GSE1: variants seen among roughly 807,000 people sequenced by gnomAD.
GSE1 encodes the protein Gse1 coiled-coil protein, also known as genetic suppressor element 1.
A neutral mutation model predicts 112.6 loss-of-function variants in GSE1; 32 were observed. That is an observed-to-expected ratio of 0.28 (90% confidence interval 0.21 to 0.38). The LOEUF (loss-of-function observed/expected upper bound fraction) is 0.38. GSE1 is among the 10% of genes least tolerant of loss of function. The pLI, the probability that GSE1 is intolerant of heterozygous loss-of-function variation, is 1.00. For missense variants in GSE1, 2,348 were observed against 1,699.2 expected (o/e 1.38, Z -6.71); for synonymous variants, 1,115 against 735.6 (o/e 1.52, Z -8.35).
chr16:85,348,097 A>T (rs2046779564), intron 1 of GSE1, among the ~76,000 whole-genome samples: 1 of 152,122 alleles, frequency 6.6e-6, no homozygotes, highest in Admixed American at 6.6e-5. Context: ...TCGAAAAAAT[A>T]AAAAGGCGGT....
intron 2 of GSE1, among the ~76,000 whole-genome samples, chr16:85,382,806 ACT>A (rs955924255): frequency 2.7e-5 from 4 of 150,266 alleles, no homozygotes; most frequent in African/African-American, 5.0e-5. Flanking sequence ...ATGCACACAC[ACT>A]CATACACACA....
At chr16:85,591,716 A>G (rs1598304455) in intron 1 of GSE1, among the ~76,000 whole-genome samples, 1 of 152,190 alleles carries the variant, frequency 6.6e-6, no homozygotes, top group Non-Finnish European at 1.5e-5. Context: ...TTCAAAATCA[A>G]CTGTTGTTCT....
chr16:85,422,750 G>A (rs898380577), intron 2 of GSE1, among the ~76,000 whole-genome samples: 1 of 152,134 alleles, frequency 6.6e-6, no homozygotes, highest in South Asian at 2.1e-4. Context: ...CCGGAGCCAG[G>A]GAGTGAGGAG....
chr16:85,199,539 A>G (rs991104322), intron 1 of GSE1, among the ~76,000 whole-genome samples: 2 of 152,240 alleles, frequency 1.3e-5, no homozygotes, highest in African/African-American at 2.4e-5. Flanking sequence ...TCAGAGGCGC[A>G]TCGGCTTAGC....
chr16:85,630,821 T>A (rs1317536288), intron 1 of GSE1, among the ~76,000 whole-genome samples: 1 of 152,164 alleles, frequency 6.6e-6, no homozygotes, highest in Non-Finnish European at 1.5e-5. Context: ...TTAGGTCATC[T>A]CCTGGTCTCG....
intron 3 of GSE1, among the ~76,000 whole-genome samples, chr16:85,649,166 G>C (rs1307609612): frequency 1.3e-5 from 2 of 152,274 alleles, no homozygotes; most frequent in East Asian, 3.9e-4. Context: ...ACACCAGTCA[G>C]CTGGTTTAGC....
At chr16:85,269,859 C>T (rs892566889) in intron 1 of GSE1, among the ~76,000 whole-genome samples, 3 of 149,466 alleles carry the variant, frequency 2.0e-5, no homozygotes, top group Non-Finnish European at 3.0e-5. Flanking sequence ...CCTACACACA[C>T]GCCATGTTGA....
chr16:85,623,947 C>T (rs2048901292), intron 1 of GSE1, among the ~76,000 whole-genome samples: 1 of 152,218 alleles, frequency 6.6e-6, no homozygotes, highest in African/African-American at 2.4e-5. Flanking sequence ...TACTGGCACT[C>T]ACTCGGTACA....
intron 2 of GSE1, chr16:85,462,998 C>T (rs942224444): frequency 3.1e-5 from 16 of 521,972 alleles, no homozygotes; most frequent in Admixed American, 1.3e-4. Flanking sequence ...CCCCGTGACG[C>T]CCCTACTGCT....
At chr16:85,336,013 T>G (rs904909969) in intron 1 of GSE1, among the ~76,000 whole-genome samples, 4 of 151,898 alleles carry the variant, frequency 2.6e-5, no homozygotes, top group Non-Finnish European at 5.9e-5. Flanking sequence ...CTAGGACAGG[T>G]GGGACCCAGG....
intron 3 of GSE1, among the ~76,000 whole-genome samples, chr16:85,649,843 G>C (rs1254354591): frequency 6.6e-6 from 1 of 152,152 alleles, no homozygotes; most frequent in East Asian, 1.9e-4. Context: ...ATGGGTATTG[G>C]AGCCACCTGC....
At chr16:85,227,580 C>T (rs1274165936) in intron 1 of GSE1, among the ~76,000 whole-genome samples, 1 of 152,178 alleles carries the variant, frequency 6.6e-6, no homozygotes, top group African/African-American at 2.4e-5. Flanking sequence ...GCTGGGCAGT[C>T]TCTTGGGAGA....
rs7186879 is a variant in GSE1, at chr16:85,578,445, T to A, written c.37+22082T>A. 2.8e-3 allele frequency among the ~76,000 whole-genome samples: 433 copies of A among 152,298 alleles called. 2 individuals carry two copies. Among genetic ancestry groups the A allele is most frequent in the African/African-American group, 9.9e-3 (412 of 41,564 alleles). The stretch of plus-strand genomic sequence containing the variant: ...ATTTCACATGTGGGGCAGCTAAGGC[T>A]CAGAGAGCTTCTCCCCCGCCCCTCA... On this transcript the variant is annotated intron_variant, in intron 1 of 2. Transcript: ENST00000635906.
intron 2 of GSE1, among the ~76,000 whole-genome samples, chr16:85,639,752 C>T (rs550019424): frequency 5.3e-5 from 8 of 152,374 alleles, no homozygotes; most frequent in Middle Eastern, 3.4e-3. Flanking sequence ...CCTCCACCGC[C>T]GCCCCCACTG....
chr16:85,463,796 A>G (rs1047843557), intron 2 of GSE1, among the ~76,000 whole-genome samples: 3 of 152,134 alleles, frequency 2.0e-5, no homozygotes, highest in Admixed American at 6.5e-5. Flanking sequence ...CCCATCGGAG[A>G]GAGGGTGAGC....
chr16:85,461,827 C>G (rs986794210), intron 2 of GSE1, among the ~76,000 whole-genome samples: 4 of 152,134 alleles, frequency 2.6e-5, no homozygotes, highest in South Asian at 2.1e-4. Flanking sequence ...GCCCCCTCCT[C>G]ACCTCCCCTC....
intron 1 of GSE1, among the ~76,000 whole-genome samples, chr16:85,301,588 C>A (rs1237750872): frequency 6.6e-6 from 1 of 152,266 alleles, no homozygotes; most frequent in Non-Finnish European, 1.5e-5. Flanking sequence ...TGGGACTTCT[C>A]TCCCTGCAGG....
chr16:85,593,191 G>A (rs947125709), intron 1 of GSE1: 3 of 152,428 alleles, frequency 2.0e-5, no homozygotes, highest in Admixed American at 6.5e-5. Context: ...GTGGGTCATT[G>A]TGGTGGCTGC....
intron 2 of GSE1, among the ~76,000 whole-genome samples, chr16:85,422,387 T>C (rs1485471078): frequency 6.6e-6 from 1 of 151,090 alleles, no homozygotes; most frequent in Non-Finnish European, 1.5e-5. Context: ...GGTGCCCCTG[T>C]GGAGCCACTA....
Sources: allele counts gnomAD v4.1 joint callset (sites outside exome capture counted in the v4.1 genomes callset), GRCh38; gene constraint gnomAD v4.1.1; transcripts MANE v1.5; gene names NCBI Gene and HGNC (gene_info 2026-07-23, HGNC 2026-07-21).